Variants in CFAP54 observed in about 807,000 individuals in gnomAD.
CFAP54 encodes cilia and flagella associated protein 54, also known as cilia- and flagella-associated protein 54.
CFAP54 carries 290 observed loss-of-function variants against 370.4 expected under a neutral mutation model. That is an observed-to-expected ratio of 0.78 (90% CI 0.71 to 0.86). The LOEUF (loss-of-function observed/expected upper bound fraction) is 0.86. Among genes scored for constraint, CFAP54 ranks in the 40% least tolerant of loss-of-function variants. The probability of loss-of-function intolerance (pLI) is 0.00; values close to 1 mark genes in which losing one functional copy is unlikely to be tolerated. For synonymous variants in CFAP54, 1,206 were observed against 1,236.5 expected, an observed-to-expected ratio of 0.98 and a Z score of 0.52; for missense variants, 3,399 against 3,528.7, an observed-to-expected ratio of 0.96 and a Z score of 0.93.
intron 36 of CFAP54, among the ~76,000 whole-genome samples, chr12:96,656,721 A>G (rs1438869135): frequency 6.6e-6 from 1 of 152,238 alleles, no homozygotes; most frequent in Admixed American, 6.5e-5. Flanking sequence ...AGATAATGTA[A>G]TAACTACAGA....
At chr12:96,579,075 T>A (rs1439909699) in intron 20 of CFAP54, among the ~76,000 whole-genome samples, 1 of 152,212 alleles carries the variant, frequency 6.6e-6, no homozygotes, top group Non-Finnish European at 1.5e-5. Context: ...GCAATAGTGA[T>A]ATAAATCATA....
chr12:96,751,462 T>G (rs554894077), intron 55 of CFAP54, among the ~76,000 whole-genome samples: 2 of 152,252 alleles, frequency 1.3e-5, no homozygotes, highest in Middle Eastern at 3.4e-3. Flanking sequence ...TCATGTATCA[T>G]ATCATATGGC....
At chr12:96,544,124 G>A (rs1302582289) in intron 14 of CFAP54, among the ~76,000 whole-genome samples, 2 of 151,976 alleles carry the variant, frequency 1.3e-5, no homozygotes, top group Non-Finnish European at 2.9e-5. Context: ...CTGTTGACTG[G>A]AAACCTTCCC....
intron 22 of CFAP54, among the ~76,000 whole-genome samples, chr12:96,585,523 C>G (rs1208703318): frequency 1.3e-5 from 2 of 152,164 alleles, no homozygotes; most frequent in African/African-American, 4.8e-5. Flanking sequence ...CCCCACTTCA[C>G]AGACCTAAGA....
At chr12:96,854,852 G>A (rs1959656065) in intron 66 of CFAP54, among the ~76,000 whole-genome samples, 1 of 151,916 alleles carries the variant, frequency 6.6e-6, no homozygotes, top group African/African-American at 2.4e-5. Flanking sequence ...TTGTTACATA[G>A]GTAAACTCAT....
At chr12:96,578,995 G>T (rs771134689) in intron 20 of CFAP54, among the ~76,000 whole-genome samples, 2 of 152,010 alleles carry the variant, frequency 1.3e-5, no homozygotes, top group African/African-American at 2.4e-5. Context: ...AAAATATAAA[G>T]CCTGCTTGTA....
intron 60 of CFAP54, among the ~76,000 whole-genome samples, chr12:96,773,434 A>C (rs1281775049): frequency 2.0e-5 from 3 of 152,194 alleles, no homozygotes; most frequent in African/African-American, 7.2e-5. Context: ...AATACCTAAA[A>C]TCCCATCCAG....
At chr12:96,690,633 T>C (rs1242203482) in intron 43 of CFAP54, among the ~76,000 whole-genome samples, 1 of 152,054 alleles carries the variant, frequency 6.6e-6, no homozygotes, top group Non-Finnish European at 1.5e-5. Flanking sequence ...GGAAAGAACA[T>C]AGTTTTTTTT....
chr12:96,539,071 TTTTTTTGTTTTTG>T (rs1367252203), intron 13 of CFAP54, among the ~76,000 whole-genome samples: 1 of 137,164 alleles, frequency 7.3e-6, no homozygotes, highest in Non-Finnish European at 1.6e-5. Context: ...CAGGTTTTTT[TTTTTTTGTTTTTG>T]TTTTTGAGAT....
intron 19 of CFAP54, among the ~76,000 whole-genome samples, chr12:96,565,593 A>G (rs1955858837): frequency 6.6e-6 from 1 of 152,164 alleles, no homozygotes; most frequent in Admixed American, 6.5e-5. Context: ...GCTAAAAATG[A>G]AGTGCCAGAA....
intron 60 of CFAP54, among the ~76,000 whole-genome samples, chr12:96,769,744 A>G (rs1021824762): frequency 6.6e-6 from 1 of 152,238 alleles, no homozygotes; most frequent in Admixed American, 6.5e-5. Context: ...AAATAGAGTT[A>G]TACACCTGCG....
chr12:96,844,584 A>G (rs1273127042), intron 66 of CFAP54, among the ~76,000 whole-genome samples: 3 of 152,198 alleles, frequency 2.0e-5, no homozygotes, highest in African/African-American at 4.8e-5. Context: ...CAGCAGCAGT[A>G]AGAAATGAAT....
At chr12:96,498,319 TAACTC>T (rs1954982221) in intron 1 of CFAP54, among the ~76,000 whole-genome samples, 1 of 152,176 alleles carries the variant, frequency 6.6e-6, no homozygotes, top group Non-Finnish European at 1.5e-5. Context: ...TCACAAAAAT[TAACTC>T]AAAATGGATC....
intron 50 of CFAP54, among the ~76,000 whole-genome samples, chr12:96,736,871 T>C (rs1056030544): frequency 6.6e-6 from 1 of 152,148 alleles, no homozygotes; most frequent in African/African-American, 2.4e-5. Flanking sequence ...TGGTAGAAAC[T>C]GTGAAAAGAC....
chr12:96,743,310 C>A, intron 52 of CFAP54, 92 bp from the exon 53 acceptor site: 1 of 1,261,532 alleles, frequency 7.9e-7, no homozygotes, highest in East Asian at 2.4e-5. Context: ...TGATATTACA[C>A]AATATTTCTG....
intron 55 of CFAP54, among the ~76,000 whole-genome samples, chr12:96,745,508 T>C (rs1401434527): frequency 6.9e-6 from 1 of 143,892 alleles, no homozygotes; most frequent in Non-Finnish European, 1.5e-5. Context: ...TTATGTCCTT[T>C]GCCCATTTTT....
Position 96,580,937 on chromosome 12 carries a change from A to C in CFAP54, c.2907A>C (p.Lys969Asn). 2.0e-6 allele frequency: 3 copies of C among 1,512,736 alleles called. No individual in the cohort carries two copies. The highest frequency in any genetic ancestry group is 2.6e-6 in the Non-Finnish European group (3 of 1,136,214). 93.7% of individuals were successfully genotyped at this position (1,512,736 alleles called of 1,614,324 possible). A position where few individuals can be genotyped will look rare whatever the true frequency, so the allele number is the denominator to read the frequency against. ...NSGEAIPADG[K>N]SVFEVKGLET... The stretch of plus-strand genomic sequence containing the variant: ...CTTAATAGATACCAGCTGACGGTAA[A>C]AGTGTTTTTGAAGTGAAAGGTTTAG... The change falls in exon 22 of 68, where the codon AAA (lysine) becomes AAC (asparagine). Residue 969 changes from lysine (K) to asparagine (N), a missense_variant. Coordinates refer to ENST00000524981, the MANE Select transcript of CFAP54 (RefSeq NM_001306084.2).
At position 96,811,777 on chromosome 12, in the gene CFAP54, T is replaced by C; in HGVS notation, c.8892T>C (p.Ile2964=). Residue 2964 remains isoleucine (I), a synonymous_variant, in exon 64 of 68, where the codon ATT becomes ATC. Coordinates refer to ENST00000524981, the MANE Select transcript of CFAP54 (RefSeq NM_001306084.2). ...CATATAATTTGAAGCCTCTGAAGAT[T>C]TCAGATGTTAGACATTCCACTTATA... The part of the protein sequence containing the change: ...LYAYNLKPLK[I]SDVRHSTYNS... The C allele has an allele frequency of 6.6e-7, 1 of 1,524,912 alleles. No individual in the cohort carries two copies. Among genetic ancestry groups the C allele is most frequent in the Non-Finnish European group, 8.8e-7 (1 of 1,142,186 alleles). The allele number at this position is 1,524,912 out of a possible 1,614,324, so 94.5% of individuals were successfully genotyped here.
intron 58 of CFAP54, among the ~76,000 whole-genome samples, chr12:96,758,041 C>A (rs904002113): frequency 6.6e-6 from 1 of 152,084 alleles, no homozygotes; most frequent in East Asian, 1.9e-4. Flanking sequence ...ACATTCATCA[C>A]GTATCTATTG....
Sources: gnomAD v4.1 joint callset for allele counts (sites outside exome capture counted in the v4.1 genomes callset) on GRCh38, gnomAD v4.1.1 for gene constraint, MANE v1.5 for transcripts, NCBI Gene and HGNC (gene_info 2026-07-23, HGNC 2026-07-21) for gene names.